UBOX5: variants seen among roughly 807,000 people sequenced by gnomAD.
The protein encoded by UBOX5 is U-box domain containing 5, also known as RING finger protein 37.
A neutral mutation model predicts 39.0 loss-of-function variants in UBOX5; 28 were observed. The observed-to-expected ratio is 0.72, with a 90% CI of 0.53 to 0.98. The LOEUF (loss-of-function observed/expected upper bound fraction) is 0.98, where lower values mean the gene tolerates loss of function less well. UBOX5 is among the 50% of genes least tolerant of loss of function. The pLI is 0.00. For synonymous variants in UBOX5, 283 were observed against 275.5 expected (o/e 1.03, Z -0.27); for missense variants, 585 against 674.4 (o/e 0.87, Z 1.47).
intron 1 of UBOX5, among the ~76,000 whole-genome samples, chr20:3,123,762 G>T (rs1423653983): frequency 6.6e-6 from 1 of 152,154 alleles, no homozygotes; most frequent in Non-Finnish European, 1.5e-5. Flanking sequence ...CAGAGTGTTC[G>T]GAATGGAAAG....
At position 3,123,404 on chromosome 20, in the gene UBOX5, A is replaced by C. The variant is rs1224446766; in HGVS notation, c.-39T>G. The C allele has an allele frequency of 1.3e-6, 2 of 1,584,546 alleles. No homozygotes were observed. The highest frequency in any genetic ancestry group is 2.7e-5 in the African/African-American group (2 of 74,102). On this transcript the variant is annotated splice_region_variant and 5_prime_UTR_variant, in exon 2 of 5. Coordinates refer to ENST00000217173, the MANE Select transcript of UBOX5 (RefSeq NM_014948.4). ...AGGATATCTTCCAAGCATCAGAAGCAGCCTTAAATAAGAAATAAAACTATG... is the reference window on the plus strand; with the variant it reads ...AGGATATCTTCCAAGCATCAGAAGCCGCCTTAAATAAGAAATAAAACTATG...
intron 1 of UBOX5, among the ~76,000 whole-genome samples, chr20:3,145,854 T>A (rs920847621): frequency 6.6e-6 from 1 of 152,078 alleles, no homozygotes; most frequent in Non-Finnish European, 1.5e-5. Context: ...GAGACCAGCC[T>A]GAACAACATG....
At chr20:3,120,448 A>G (rs2066326019) in intron 3 of UBOX5, among the ~76,000 whole-genome samples, 1 of 151,270 alleles carries the variant, frequency 6.6e-6, no homozygotes, top group Admixed American at 6.6e-5. Context: ...GGAGATTGAG[A>G]CCATCCTAGC....
chr20:3,139,580 C>T (rs949725880), intron 1 of UBOX5, among the ~76,000 whole-genome samples: 5 of 149,624 alleles, frequency 3.3e-5, no homozygotes, highest in Admixed American at 6.7e-5. Flanking sequence ...TTAGTAGAGA[C>T]GAGGTTTCAC....
At chr20:3,142,338 T>A (rs965594681) in intron 1 of UBOX5, among the ~76,000 whole-genome samples, 1 of 151,626 alleles carries the variant, frequency 6.6e-6, no homozygotes, top group East Asian at 1.9e-4. Context: ...TGGTGGCTTA[T>A]GCCTGTAATC....
At chr20:3,114,434 C>T (rs1351975221) in intron 4 of UBOX5, among the ~76,000 whole-genome samples, 1 of 152,090 alleles carries the variant, frequency 6.6e-6, no homozygotes, top group Non-Finnish European at 1.5e-5. Flanking sequence ...CCTCCCGTTG[C>T]AATCAGTTTC....
intron 1 of UBOX5, among the ~76,000 whole-genome samples, chr20:3,155,448 T>C (rs1416347888): frequency 6.6e-6 from 1 of 152,046 alleles, no homozygotes; most frequent in Non-Finnish European, 1.5e-5. Flanking sequence ...GGAGAATCAC[T>C]TGAACCCGCG....
At position 3,154,095 on chromosome 20, in the gene UBOX5, C is replaced by T. The variant is rs147457341; in HGVS notation, c.-42+5671G>A. Among the ~76,000 whole-genome samples the T allele has an allele frequency of 5.4e-3, 823 of 152,222 alleles. 7 individuals are homozygous for T. The highest frequency in any genetic ancestry group is 0.018 in the African/African-American group (730 of 41,534). On this transcript the variant is annotated intron_variant, in intron 1 of 4. Transcript: ENST00000217173. ...AAGGAGAGCTACCACAATTGAAGAC[C>T]TGAAAGTTGGCAGTAGAGATATGGG... is the stretch of plus-strand genomic sequence containing the variant.
Position 3,115,305 on chromosome 20 carries a change from C to T in UBOX5, c.1417G>A (p.Glu473Lys). The T allele has an allele frequency of 1.2e-6, 2 of 1,610,014 alleles. No individual in the cohort carries two copies. The highest frequency in any genetic ancestry group is 1.7e-6 in the Non-Finnish European group (2 of 1,178,262). The change falls in exon 4 of 5, where the codon GAG (glutamate) becomes AAG (lysine). Residue 473 changes from glutamate to lysine, a missense_variant and splice_region_variant. Physicochemically the swap from Glu to Lys is moderately conservative, Grantham distance 56. Coordinates refer to ENST00000217173, the MANE Select transcript of UBOX5 (RefSeq NM_014948.4). ...AAGGAGATGGCGGGGCCCATGTTAC[C>T]CGAGCCGGTGCCAGGCCTCCAGGAA... is the stretch of plus-strand genomic sequence containing the variant. ...NTSWRPGTGS[E>K]QPGSILGPEC...
At chr20:3,146,897 A>G in intron 1 of UBOX5, 1 of 1,614,208 alleles carries the variant, frequency 6.2e-7, no homozygotes, top group Non-Finnish European at 8.5e-7. Flanking sequence ...AAGCCGAGCC[A>G]GCTGCCGCCT....
intron 1 of UBOX5, among the ~76,000 whole-genome samples, chr20:3,154,992 G>T (rs1019613291): frequency 1.4e-5 from 2 of 142,372 alleles, no homozygotes; most frequent in African/African-American, 5.4e-5. Context: ...GGCAGAGGTT[G>T]CAGTGAACCA....
At position 3,110,344 on chromosome 20, in the gene UBOX5, G is replaced by A. The variant is rs372065709; in HGVS notation, c.1418-30C>T. The A allele has an allele frequency of 2.1e-5, 34 of 1,612,536 alleles. No individual in the cohort carries two copies. In the African/African-American group the frequency reaches 3.6e-4, roughly 17 times the overall value. On this transcript the variant is annotated intron_variant, in intron 4 of 4. Transcript: ENST00000217173. ...TAAATCAGGAAGGAAAACAGGCCAG[G>A]GTTAGGAAAGCTGCTCCATGGTCCA...
chr20:3,112,222 C>A (rs1260466364), intron 4 of UBOX5, among the ~76,000 whole-genome samples: 1 of 152,048 alleles, frequency 6.6e-6, no homozygotes, highest in Non-Finnish European at 1.5e-5. Context: ...TTCAGTGGTG[C>A]CCCTTTCATG....
intron 3 of UBOX5, among the ~76,000 whole-genome samples, chr20:3,119,227 G>A (rs1224009727): frequency 6.6e-6 from 1 of 152,194 alleles, no homozygotes; most frequent in African/African-American, 2.4e-5. Context: ...GGCCCACAAG[G>A]CAAGGAACCG....
At chr20:3,130,436 C>T (rs894898522) in intron 1 of UBOX5, among the ~76,000 whole-genome samples, 1 of 150,346 alleles carries the variant, frequency 6.7e-6, no homozygotes, top group Admixed American at 6.7e-5. Context: ...GCCTCAAATT[C>T]GTGAGCTCAA....
intron 1 of UBOX5, among the ~76,000 whole-genome samples, chr20:3,125,092 G>T (rs549555618): frequency 6.7e-6 from 1 of 150,278 alleles, no homozygotes; most frequent in Non-Finnish European, 1.5e-5. Context: ...TGGGAAGTGG[G>T]GAGTGCCTCT....
chr20:3,147,778 G>A lies in UBOX5; in HGVS notation c.-42+11988C>T, dbSNP rs751185156. On this transcript the variant is annotated intron_variant, in intron 1 of 4. Coordinates refer to ENST00000217173, the MANE Select transcript of UBOX5 (RefSeq NM_014948.4). Reference sequence around the variant, plus strand: ...GAGTTCCAAATGACCACAGAATCTTGGCAACATCTTTACTTCGACAGTGTG... The same window carrying A: ...GAGTTCCAAATGACCACAGAATCTTAGCAACATCTTTACTTCGACAGTGTG... The A allele has an allele frequency of 5.0e-6, 8 of 1,614,018 alleles. No homozygotes were observed. In the Admixed American group the frequency reaches 6.7e-5, roughly 13 times the overall value.
At chr20:3,148,110 T>C (rs1314223984) in intron 1 of UBOX5, 3 of 1,614,070 alleles carry the variant, frequency 1.9e-6, no homozygotes, top group Non-Finnish European at 1.7e-6. Flanking sequence ...CCCAAACAGA[T>C]GGTACCAACC....
chr20:3,109,671 A>G lies in UBOX5; in HGVS notation c.*435T>C. Reference sequence around the variant, plus strand: ...CGGGGGGCTGAGTCATGCACTCCACAGACACCCCCACTGCTCCCAAGGTCC... The same window carrying G: ...CGGGGGGCTGAGTCATGCACTCCACGGACACCCCCACTGCTCCCAAGGTCC... On this transcript the variant is annotated 3_prime_UTR_variant, in exon 5 of 5. Coordinates refer to ENST00000217173, the MANE Select transcript of UBOX5 (RefSeq NM_014948.4). 4.5e-6 allele frequency: 1 copy of G among 220,256 alleles called. No individual in the cohort carries two copies. The allele number at this position is 220,256 out of a possible 1,614,324, so 13.6% of individuals were successfully genotyped here.
Sources: allele counts gnomAD v4.1 joint callset (sites outside exome capture counted in the v4.1 genomes callset), GRCh38; gene constraint gnomAD v4.1.1; transcripts MANE v1.5; gene names NCBI Gene and HGNC (gene_info 2026-07-23, HGNC 2026-07-21).